The following GMDS variants were observed in gnomAD, a reference collection of about 807,000 sequenced individuals.
GMDS encodes GDP-mannose 4,6-dehydratase.
In GMDS, 20 loss-of-function variants were observed where a neutral mutation model predicts 49.9. The ratio of observed to expected loss-of-function variants is 0.40; its 90% CI spans 0.28 to 0.58. The LOEUF (loss-of-function observed/expected upper bound fraction) is 0.58, where lower values mean the gene tolerates loss of function less well. Among genes scored for constraint, GMDS ranks in the 20% least tolerant of loss-of-function variants. GMDS has a pLI of 0.42. For missense variants in GMDS, 362 were observed against 481.4 expected, an observed-to-expected ratio of 0.75 and a Z score of 2.32; for synonymous variants, 177 against 178.6, an observed-to-expected ratio of 0.99 and a Z score of 0.07.
At chr6:1,975,836 T>C (rs961377390) in intron 4 of GMDS, among the ~76,000 whole-genome samples, 2 of 152,164 alleles carry the variant, frequency 1.3e-5, no homozygotes, top group African/African-American at 4.8e-5. Flanking sequence ...AGGCTTTGGT[T>C]TGACACTAAC....
At chr6:2,165,280 T>A (rs755616502) in intron 1 of GMDS, among the ~76,000 whole-genome samples, 1 of 152,198 alleles carries the variant, frequency 6.6e-6, no homozygotes, top group Non-Finnish European at 1.5e-5. Flanking sequence ...AATCCCAAGA[T>A]CTGCAGTCCA....
chr6:2,206,097 A>G (rs1000535981), intron 1 of GMDS, among the ~76,000 whole-genome samples: 2 of 152,098 alleles, frequency 1.3e-5, no homozygotes, highest in Admixed American at 1.3e-4. Flanking sequence ...TGTCTCTACT[A>G]AAAATACAAA....
chr6:1,770,206 T>C (rs1436430676), intron 7 of GMDS, among the ~76,000 whole-genome samples: 1 of 152,186 alleles, frequency 6.6e-6, no homozygotes, highest in Non-Finnish European at 1.5e-5. Flanking sequence ...ACTGCACACA[T>C]GTGTGAGCCA....
At chr6:2,108,322 C>T (rs997162968) in intron 4 of GMDS, among the ~76,000 whole-genome samples, 5 of 152,096 alleles carry the variant, frequency 3.3e-5, no homozygotes, top group African/African-American at 1.2e-4. Context: ...CCTCCCATAG[C>T]TTTTAGGGAA....
chr6:2,175,870 G>T, intron 1 of GMDS: 1 of 841,296 alleles, frequency 1.2e-6, no homozygotes, highest in Non-Finnish European at 2.0e-6. Flanking sequence ...CACATAAACA[G>T]CCCTATCAGG....
At chr6:1,811,583 C>T in intron 7 of GMDS, among the ~76,000 whole-genome samples, 1 of 135,952 alleles carries the variant, frequency 7.4e-6, no homozygotes, top group African/African-American at 2.8e-5. Flanking sequence ...TCAACTGAAG[C>T]CCTTCACAAT....
chr6:1,809,802 A>C (rs550994333), intron 7 of GMDS, among the ~76,000 whole-genome samples: 2 of 152,172 alleles, frequency 1.3e-5, no homozygotes, highest in African/African-American at 4.8e-5. Context: ...TTTTCAGGGG[A>C]ATGGAGGGAG....
chr6:1,948,749 A>T (rs2127273003), intron 6 of GMDS, among the ~76,000 whole-genome samples: 1 of 152,324 alleles, frequency 6.6e-6, no homozygotes, highest in South Asian at 2.1e-4. Flanking sequence ...CCTTTCATTC[A>T]TCATCGTCTT....
At chr6:1,816,878 A>AG (rs1488601515) in intron 7 of GMDS, among the ~76,000 whole-genome samples, 6 of 151,358 alleles carry the variant, frequency 4.0e-5, no homozygotes, top group African/African-American at 9.7e-5. Context: ...TTTCAATGGA[A>AG]GGGGGGTGGT....
chr6:1,958,092 C>T (rs1036495604), intron 6 of GMDS, among the ~76,000 whole-genome samples: 7 of 149,632 alleles, frequency 4.7e-5, no homozygotes, highest in Admixed American at 4.7e-4. Flanking sequence ...AGATGTGGGG[C>T]ACTGTGCCTG....
intron 4 of GMDS, among the ~76,000 whole-genome samples, chr6:2,036,623 C>T (rs748560041): frequency 6.6e-6 from 1 of 152,192 alleles, no homozygotes; most frequent in Non-Finnish European, 1.5e-5. Context: ...AATGCCAAGA[C>T]AGTGTTAAAC....
intron 9 of GMDS, among the ~76,000 whole-genome samples, chr6:1,677,556 T>C (rs897909553): frequency 1.5e-4 from 23 of 151,980 alleles, no homozygotes; most frequent in Non-Finnish European, 2.9e-5. Flanking sequence ...CAAATGTCCA[T>C]CAATGATAGA....
chr6:1,711,524 C>T (rs1201052913), intron 9 of GMDS, among the ~76,000 whole-genome samples: 1 of 152,196 alleles, frequency 6.6e-6, no homozygotes, highest in Non-Finnish European at 1.5e-5. Flanking sequence ...CTGATGATTA[C>T]AGGCAAAATG....
At chr6:1,689,224 T>C (rs6913747) in intron 9 of GMDS, among the ~76,000 whole-genome samples, 53,724 of 152,006 alleles carry the variant, frequency 0.35, 9,778 homozygotes, top group East Asian at 0.5. Context: ...AGAATACAGT[T>C]AGGGAAGGAT....
intron 4 of GMDS, among the ~76,000 whole-genome samples, chr6:2,074,941 A>G (rs1394732111): frequency 6.6e-6 from 1 of 152,206 alleles, no homozygotes. Flanking sequence ...CTTTGTCAAA[A>G]ATCAGTTGTT....
At chr6:1,634,085 C>T (rs2113160500) in intron 9 of GMDS, among the ~76,000 whole-genome samples, 1 of 152,334 alleles carries the variant, frequency 6.6e-6, no homozygotes, top group East Asian at 1.9e-4. Flanking sequence ...AATACATAAT[C>T]CCTCTTCCCC....
chr6:1,693,450 T>A (rs911166658), intron 9 of GMDS, among the ~76,000 whole-genome samples: 1 of 152,248 alleles, frequency 6.6e-6, no homozygotes, highest in Non-Finnish European at 1.5e-5. Flanking sequence ...CCATGCCTCA[T>A]CCTGTTCAGT....
intron 2 of GMDS, among the ~76,000 whole-genome samples, 176 bp downstream of exon 2, chr6:2,124,511 C>A (rs550587200): frequency 6.8e-4 from 104 of 152,338 alleles, no homozygotes; most frequent in African/African-American, 2.5e-3. Flanking sequence ...AGCAGATAAA[C>A]AGCACAATGG....
intron 9 of GMDS, among the ~76,000 whole-genome samples, chr6:1,651,269 T>G (rs886536537): frequency 6.6e-6 from 1 of 152,154 alleles, no homozygotes; most frequent in African/African-American, 2.4e-5. Flanking sequence ...TTTGGAAAAT[T>G]CAATGACAAG....
Sources: gnomAD v4.1 joint callset for allele counts (sites outside exome capture counted in the v4.1 genomes callset) on GRCh38, gnomAD v4.1.1 for gene constraint, MANE v1.5 for transcripts, NCBI Gene and HGNC (gene_info 2026-07-23, HGNC 2026-07-21) for gene names.